The following EIF2B1 variants were observed in gnomAD, a reference collection of about 807,000 sequenced individuals.
EIF2B1 encodes eukaryotic translation initiation factor 2B subunit alpha, also known as translation initiation factor eIF2B subunit alpha.
In EIF2B1, 30 loss-of-function variants were observed where a neutral mutation model predicts 36.8. That is an observed-to-expected ratio of 0.81 (90% confidence interval 0.61 to 1.10). The LOEUF (loss-of-function observed/expected upper bound fraction) is 1.10. Among genes scored for constraint, EIF2B1 ranks in the 50% least tolerant of loss-of-function variants. The pLI is 0.00. For missense variants in EIF2B1, 271 were observed against 374.8 expected (o/e 0.72, Z 2.29); for synonymous variants, 139 against 142.2 (o/e 0.98, Z 0.16).
chr12:123,626,616 C>A (rs1955150840), intron 5 of EIF2B1, 123 bp from the exon 6 acceptor site: 2 of 1,116,984 alleles, frequency 1.8e-6, no homozygotes, highest in Non-Finnish European at 2.7e-6. Context: ...GGTTAAGGGG[C>A]AGATCCCAAT....
chr12:123,625,426 C>T (rs1348908963), intron 6 of EIF2B1, among the ~76,000 whole-genome samples: 3 of 151,982 alleles, frequency 2.0e-5, no homozygotes, highest in African/African-American at 7.3e-5. Context: ...GATGGGGTTT[C>T]GCCATATTGC....
chr12:123,624,715 G>A, intron 7 of EIF2B1, 72 bp downstream of exon 7: 2 of 1,255,008 alleles, frequency 1.6e-6, no homozygotes, highest in Non-Finnish European at 2.3e-6. Flanking sequence ...AATCAACACT[G>A]CTGTGGTGTC....
At chr12:123,631,610 C>G (rs1211318561) in intron 2 of EIF2B1, among the ~76,000 whole-genome samples, 2 of 151,724 alleles carry the variant, frequency 1.3e-5, no homozygotes, top group Non-Finnish European at 2.9e-5. Context: ...AGATCGAGAC[C>G]ATTCTGGCTA....
chr12:123,632,945 C>CA (rs4040224), intron 1 of EIF2B1, among the ~76,000 whole-genome samples: 25,145 of 74,916 alleles, frequency 0.34, 3,852 homozygotes, highest in Middle Eastern at 0.42. Flanking sequence ...GACTCCGTCT[C>CA]AAAAAAAAAA....
chr12:123,627,891 C>A (rs1025913922), intron 4 of EIF2B1, among the ~76,000 whole-genome samples: 10 of 152,244 alleles, frequency 6.6e-5, no homozygotes, highest in Middle Eastern at 6.8e-3. Context: ...ACTCCTCAGC[C>A]CCAGCTGGCG....
intron 7 of EIF2B1, among the ~76,000 whole-genome samples, chr12:123,623,899 C>G (rs902282652): frequency 6.6e-6 from 1 of 151,860 alleles, no homozygotes; most frequent in Non-Finnish European, 1.5e-5. Context: ...AATGACAGGC[C>G]GGCCACAGTG....
chr12:123,622,842 G>C, intron 7 of EIF2B1, 81 bp from the exon 8 acceptor site: 1 of 1,595,814 alleles, frequency 6.3e-7, no homozygotes, highest in Non-Finnish European at 8.5e-7. Context: ...CGGGCACAGT[G>C]GTGCATGCCT....
intron 5 of EIF2B1, 71 bp downstream of exon 5, chr12:123,626,973 G>A: frequency 1.4e-6 from 2 of 1,388,464 alleles, no homozygotes; most frequent in Non-Finnish European, 2.1e-6. Context: ...TTCTGATCCT[G>A]TTGGACTGTA....
chr12:123,632,431 A>G lies in EIF2B1; in HGVS notation c.29T>C (p.Phe10Ser), dbSNP rs201516905. The change falls in exon 2 of 9, where the codon TTT (phenylalanine) becomes TCT (serine). Residue 10 changes from phenylalanine to serine, a missense_variant. Physicochemically the swap from Phe to Ser is radical, Grantham distance 155. Coordinates refer to ENST00000424014, the MANE Select transcript of EIF2B1 (RefSeq NM_001414.4). ...AGGATCTTCTTTCATCTGAGACTTA[A>G]AGTATTCAATTAACTCTGGAAAAAG... MDDKELIEYFKSQMKEDPDM... is the reference protein window; with the variant it reads MDDKELIEYSKSQMKEDPDM... The G allele has an allele frequency of 5.6e-6, 9 of 1,613,080 alleles. No homozygotes were observed. Among genetic ancestry groups the G allele is most frequent in the Non-Finnish European group, 6.8e-6 (8 of 1,179,438 alleles).
At position 123,633,664 on chromosome 12, in the gene EIF2B1, C is replaced by T; in HGVS notation, c.-107G>A. 1 of 1,537,578 alleles carries T rather than the reference C, an allele frequency of 6.5e-7. No homozygotes were observed. The highest frequency in any genetic ancestry group is 8.9e-7 in the Non-Finnish European group (1 of 1,124,834). On this transcript the variant is annotated 5_prime_UTR_variant, in exon 1 of 9. The change creates a new upstream start codon in the 5' untranslated region. Transcript: ENST00000424014. ...AGCCAGTCTGACAGCGCGCTGCACACCTCCGCACCCCACTTCCGGCGCACT... is the reference window on the plus strand; with the variant it reads ...AGCCAGTCTGACAGCGCGCTGCACATCTCCGCACCCCACTTCCGGCGCACT...
rs1250251932 is a variant in EIF2B1 at position 123,620,627 on chromosome 12, T to TATAA, written c.*1128_*1129insTTAT. On this transcript the variant is annotated 3_prime_UTR_variant, in exon 9 of 9. Coordinates refer to ENST00000424014, the MANE Select transcript of EIF2B1 (RefSeq NM_001414.4). Reference sequence around the variant, plus strand: ...ATATATATATATATATATATATATATAAGCTCTTTTTTCTGAGGCTATTTT... The same window carrying TATAA: ...ATATATATATATATATATATATATATATAAAAGCTCTTTTTTCTGAGGCTATTTT... 389 of 99,792 alleles carry TATAA rather than the reference T, an allele frequency of 3.9e-3. 10 individuals are homozygous for TATAA. Among genetic ancestry groups the TATAA allele is most frequent in the Middle Eastern group, 0.011 (2 of 186 alleles). The allele number at this position is 99,792 out of a possible 1,614,324, so 6.2% of individuals were successfully genotyped here.
intron 6 of EIF2B1, among the ~76,000 whole-genome samples, chr12:123,625,789 G>A (rs184112835): frequency 5.9e-5 from 9 of 152,274 alleles, no homozygotes; most frequent in African/African-American, 2.2e-4. Flanking sequence ...ACAGAGCCCT[G>A]ATTACCCTCT....
In EIF2B1 at chr12:123,627,145, A is replaced by C. The variant is rs753071106; in HGVS notation, c.381T>G (p.Thr127=). The C allele has an allele frequency of 3.7e-6, 6 of 1,613,862 alleles. No homozygotes were observed. In the African/African-American group the frequency reaches 8.0e-5, roughly 22 times the overall value. ...TFIKDGATIL[T]HAYSRVVLRV... ...TCAGGACCACTCTGGAGTAGGCGTG[A>C]GTCAATATTGTCTGTGGACCGAGAA... Residue 127 remains threonine (T), a synonymous_variant, in exon 5 of 9, where the codon ACT becomes ACG. Transcript: ENST00000424014.
In EIF2B1 at chr12:123,621,861, C is replaced by T. The variant is rs748761790; in HGVS notation, c.813G>A (p.Pro271=). ...AGGAAGGGGCAGTGTAGTCGACCCA[C>T]GGATGCTCCTCTTTGAGGTCTTGTC... The part of the protein sequence containing the change: ...QTGQDLKEEH[P]WVDYTAPSLI... The change falls in exon 9 of 9, where the codon CCG becomes CCA. Residue 271 remains proline (P), a synonymous_variant. Coordinates refer to ENST00000424014, the MANE Select transcript of EIF2B1 (RefSeq NM_001414.4). 1.9e-5 allele frequency: 30 copies of T among 1,614,048 alleles called. No individual in the cohort carries two copies. The highest frequency in any genetic ancestry group is 3.3e-5 in the South Asian group (3 of 91,070).
chr12:123,626,560 A>T, intron 5 of EIF2B1, 67 bp from the exon 6 acceptor site: 3 of 1,565,422 alleles, frequency 1.9e-6, no homozygotes, highest in Non-Finnish European at 2.6e-6. Flanking sequence ...TATGTCACCT[A>T]ATGTGGACAG....
chr12:123,627,260 C>CT, intron 4 of EIF2B1, 104 bp from the exon 5 acceptor site: 1 of 882,078 alleles, frequency 1.1e-6, no homozygotes. Flanking sequence ...TCTCTGTACA[C>CT]TTTCTCACAA....
chr12:123,622,021 C>T, intron 8 of EIF2B1, 101 bp from the exon 9 acceptor site: 1 of 1,502,432 alleles, frequency 6.7e-7, no homozygotes, highest in South Asian at 1.2e-5. Context: ...TGAGACTGCT[C>T]TCTGAAAATG....
intron 7 of EIF2B1, among the ~76,000 whole-genome samples, chr12:123,623,403 TAAAA>T (rs1955123631): frequency 6.6e-6 from 1 of 151,982 alleles, no homozygotes; most frequent in South Asian, 2.1e-4. Flanking sequence ...TAAAAAAATT[TAAAA>T]AAACAAGTGT....
intron 4 of EIF2B1, 123 bp from the exon 5 acceptor site, chr12:123,627,279 C>T (rs1955156443): frequency 2.4e-6 from 2 of 822,846 alleles, no homozygotes; most frequent in Non-Finnish European, 2.1e-6. Context: ...AAATCAACCA[C>T]AACCAGAAAG....
Sources: allele counts gnomAD v4.1 joint callset (sites outside exome capture counted in the v4.1 genomes callset), GRCh38; gene constraint gnomAD v4.1.1; transcripts MANE v1.5; gene names NCBI Gene and HGNC (gene_info 2026-07-23, HGNC 2026-07-21).